The following EBF1 variants were observed in gnomAD, a reference collection of about 807,000 sequenced individuals.
EBF1 encodes the protein transcription factor COE1.
Under a neutral mutation model 68.4 loss-of-function variants are expected in EBF1, and 10 were observed. That is an observed-to-expected ratio of 0.15 (90% CI 0.09 to 0.25). The LOEUF is 0.25. Ranked by LOEUF, EBF1 falls within the 10% of genes least tolerant of loss-of-function variation. The pLI is 1.00. For synonymous variants in EBF1, 298 were observed against 299.8 expected, an observed-to-expected ratio of 0.99 and a Z score of 0.06; for missense variants, 509 against 794.4, an observed-to-expected ratio of 0.64 and a Z score of 4.32.
chr5:158,960,856 G>A (rs1169285829), intron 6 of EBF1, among the ~76,000 whole-genome samples: 1 of 152,150 alleles, frequency 6.6e-6, no homozygotes, highest in East Asian at 1.9e-4. Flanking sequence ...AAGAAACTGA[G>A]GCCTCAGGCC....
intron 6 of EBF1, among the ~76,000 whole-genome samples, chr5:158,956,944 G>A (rs1475403274): frequency 6.6e-6 from 1 of 151,992 alleles, no homozygotes; most frequent in Admixed American, 6.5e-5. Context: ...ATTTTTAGTA[G>A]AGACCGGGTT....
chr5:158,841,474 T>C (rs1398086706), intron 6 of EBF1, among the ~76,000 whole-genome samples: 1 of 152,198 alleles, frequency 6.6e-6, no homozygotes, highest in Non-Finnish European at 1.5e-5. Context: ...CCTAAAAATA[T>C]CAAAATGCAT....
chr5:158,697,374 G>A lies in EBF1; in HGVS notation c.*1737C>T, dbSNP rs1003300203. On this transcript the variant is annotated 3_prime_UTR_variant, in exon 16 of 16. Coordinates refer to ENST00000313708, the MANE Select transcript of EBF1 (RefSeq NM_024007.5). ...TGGAAATTAAAAAAACTGAAGCATG[G>A]TTTATAACAATACTAAAAATAACTA... 2.5e-5 allele frequency: 5 copies of A among 199,546 alleles called. No individual in the cohort carries two copies. Among genetic ancestry groups the A allele is most frequent in the Non-Finnish European group, 4.1e-5 (4 of 96,852 alleles). 12.4% of individuals were successfully genotyped at this position (199,546 alleles called of 1,614,324 possible). A position where few individuals can be genotyped will look rare whatever the true frequency, so the allele number is the denominator to read the frequency against.
intron 6 of EBF1, among the ~76,000 whole-genome samples, chr5:159,057,963 C>T (rs183929902): frequency 2.6e-5 from 4 of 152,272 alleles, no homozygotes; most frequent in East Asian, 3.9e-4. Flanking sequence ...GTCATTCCCT[C>T]GAAGAGGTAT....
At position 158,936,342 on chromosome 5, in the gene EBF1, GCTGCCAC is replaced by G. The variant is rs371725054; in HGVS notation, c.555-96239_555-96233del. Among the ~76,000 whole-genome samples, 910 of 152,304 alleles carry G rather than the reference GCTGCCAC, an allele frequency of 6.0e-3. 10 individuals carry two copies. The highest frequency in any genetic ancestry group is 0.021 in the African/African-American group (858 of 41,562). On this transcript the variant is annotated intron_variant, in intron 6 of 15. Coordinates refer to ENST00000313708, the MANE Select transcript of EBF1 (RefSeq NM_024007.5). ...GGCAAAGGGTCTCAGTTCAAACTCA[GCTGCCAC>G]CTGCCACCTCTGTGACTTCAGGTTC...
intron 6 of EBF1, among the ~76,000 whole-genome samples, chr5:158,973,897 C>G (rs77280252): frequency 6.6e-6 from 1 of 152,304 alleles, no homozygotes; most frequent in South Asian, 2.1e-4. Context: ...CTCTCCCCAC[C>G]TGGGCCAGCT....
intron 6 of EBF1, among the ~76,000 whole-genome samples, chr5:158,990,514 T>C (rs886128273): frequency 6.6e-6 from 1 of 152,160 alleles, no homozygotes; most frequent in African/African-American, 2.4e-5. Flanking sequence ...AAAGACAAGC[T>C]CTTATTGTGA....
chr5:159,028,231 T>C (rs1768079738), intron 6 of EBF1, among the ~76,000 whole-genome samples: 2 of 152,200 alleles, frequency 1.3e-5, no homozygotes, highest in Middle Eastern at 3.4e-3. Flanking sequence ...ATCATGGCAA[T>C]AGGAGGACTT....
chr5:159,094,247 A>C (rs1394469996), intron 4 of EBF1, among the ~76,000 whole-genome samples: 1 of 151,260 alleles, frequency 6.6e-6, no homozygotes, highest in Non-Finnish European at 1.5e-5. Context: ...AATCCATTAA[A>C]GAAAATAAAA....
Position 158,697,157 on chromosome 5 carries a change from C to A in EBF1, c.*1954G>T, listed in dbSNP as rs982824967. The A allele has an allele frequency of 5.2e-6, 1 of 194,014 alleles. No individual in the cohort carries two copies. Among genetic ancestry groups the A allele is most frequent in the Non-Finnish European group, 1.1e-5 (1 of 93,054 alleles). 12.0% of individuals were successfully genotyped at this position (194,014 alleles called of 1,614,324 possible). A position where few individuals can be genotyped will look rare whatever the true frequency, so the allele number is the denominator to read the frequency against. On this transcript the variant is annotated 3_prime_UTR_variant, in exon 16 of 16. Coordinates refer to ENST00000313708, the MANE Select transcript of EBF1 (RefSeq NM_024007.5). ...ATGCGTCACTCCAAAGGGAGAGATT[C>A]CATGCATATTAATAGAGTAAAACAG...
intron 7 of EBF1, among the ~76,000 whole-genome samples, chr5:158,836,136 G>A (rs6885822): frequency 0.15 from 22,576 of 152,174 alleles, 1,770 homozygotes; most frequent in South Asian, 0.17. Flanking sequence ...AAAAACACCT[G>A]AGGATGACAG....
chr5:158,924,607 G>A (rs972665190), intron 6 of EBF1, among the ~76,000 whole-genome samples: 1 of 151,920 alleles, frequency 6.6e-6, no homozygotes, highest in Non-Finnish European at 1.5e-5. Context: ...AATCCCAGCA[G>A]TTTGGAAGGC....
chr5:159,061,119 A>AATTATT (rs767482582), intron 6 of EBF1, among the ~76,000 whole-genome samples: 37 of 151,748 alleles, frequency 2.4e-4, no homozygotes, highest in Admixed American at 5.9e-4. Flanking sequence ...GGTATTTCTT[A>AATTATT]ATTATTATTA....
rs796927114 is a variant in EBF1, at chr5:159,075,411, C to T, written c.486-1947G>A. Among the ~76,000 whole-genome samples the T allele has an allele frequency of 8.5e-5, 13 of 152,250 alleles. No individual in the cohort carries two copies. The South Asian group carries it at 2.1e-3, about 24-fold the overall frequency. On this transcript the variant is annotated intron_variant, in intron 5 of 15. Coordinates refer to ENST00000313708, the MANE Select transcript of EBF1 (RefSeq NM_024007.5). Reference sequence around the variant, plus strand: ...TCCTTTACCCATGGAGGAAAACTGCCGGTTGAGAAAACCTATTTCTCCTTC... The same window carrying T: ...TCCTTTACCCATGGAGGAAAACTGCTGGTTGAGAAAACCTATTTCTCCTTC...
chr5:158,838,281 TAAAAATACAA>T, intron 7 of EBF1, among the ~76,000 whole-genome samples: 1 of 151,736 alleles, frequency 6.6e-6, no homozygotes, highest in Non-Finnish European at 1.5e-5. Context: ...CTGTCTCCAC[TAAAAATACAA>T]AAAAATTAGC....
At chr5:158,704,990 TTTTC>T (rs1320901018) in intron 15 of EBF1, among the ~76,000 whole-genome samples, 1 of 152,172 alleles carries the variant, frequency 6.6e-6, no homozygotes, top group Admixed American at 6.5e-5. Context: ...CCAAAAACCA[TTTTC>T]TTTCTTTCTG....
intron 6 of EBF1, among the ~76,000 whole-genome samples, chr5:158,930,271 TG>T (rs67924724): frequency 0.5 from 74,283 of 148,340 alleles, 19,656 homozygotes; most frequent in South Asian, 0.7. Flanking sequence ...TTTTTTTTTT[TG>T]TTTGTTTTTT....
At position 159,040,628 on chromosome 5, in the gene EBF1, T is replaced by A. The variant is rs187124178; in HGVS notation, c.554+32768A>T. ...GGAGAAAAGAAAACAAAGATTTTTT[T>A]ACATATGTTTTTAACACAGCCAAAT... On this transcript the variant is annotated intron_variant, in intron 6 of 15. Transcript: ENST00000313708. Among the ~76,000 whole-genome samples the A allele has an allele frequency of 2.3e-3, 354 of 152,352 alleles. 2 individuals carry two copies. Among genetic ancestry groups the A allele is most frequent in the African/African-American group, 8.1e-3 (335 of 41,586 alleles).
At chr5:159,007,601 G>A (rs1290196512) in intron 6 of EBF1, among the ~76,000 whole-genome samples, 1 of 152,152 alleles carries the variant, frequency 6.6e-6, no homozygotes, top group Non-Finnish European at 1.5e-5. Flanking sequence ...CAAATTAGAA[G>A]AGGGTCAAGA....
Sources: allele counts gnomAD v4.1 joint callset (sites outside exome capture counted in the v4.1 genomes callset), GRCh38; gene constraint gnomAD v4.1.1; transcripts MANE v1.5; gene names NCBI Gene and HGNC (gene_info 2026-07-23, HGNC 2026-07-21).